The following PIP5K1B variants were observed in gnomAD, a reference collection of about 807,000 sequenced individuals.
PIP5K1B encodes phosphatidylinositol 4-phosphate 5-kinase type-1 beta.
A neutral mutation model predicts 67.0 loss-of-function variants in PIP5K1B; 42 were observed. The ratio of observed to expected loss-of-function variants is 0.63; its 90% confidence interval spans 0.49 to 0.81. The LOEUF (loss-of-function observed/expected upper bound fraction) is 0.81. Ranked by LOEUF, PIP5K1B falls within the 30% of genes least tolerant of loss-of-function variation. PIP5K1B has a pLI of 0.00. For missense variants in PIP5K1B, 459 were observed against 646.3 expected (o/e 0.71, Z 3.14); for synonymous variants, 214 against 231.4 (o/e 0.92, Z 0.68).
intron 15 of PIP5K1B, among the ~76,000 whole-genome samples, chr9:69,005,458 GCT>G (rs1831032397): frequency 6.6e-6 from 1 of 152,154 alleles, no homozygotes; most frequent in East Asian, 1.9e-4. Context: ...TGCGATCTCA[GCT>G]CACCACAACC....
chr9:69,000,736 CA>C (rs1048142974), intron 15 of PIP5K1B, among the ~76,000 whole-genome samples: 19 of 152,150 alleles, frequency 1.2e-4, no homozygotes, highest in African/African-American at 4.6e-4. Flanking sequence ...ACCCTGCCTC[CA>C]AATAAGGTCA....
At chr9:68,880,983 C>T (rs1824174341) in intron 6 of PIP5K1B, among the ~76,000 whole-genome samples, 1 of 152,202 alleles carries the variant, frequency 6.6e-6, no homozygotes, top group Non-Finnish European at 1.5e-5. Context: ...CATGACACAG[C>T]ATGCTTGAGT....
intron 4 of PIP5K1B, chr9:68,824,285 T>C (rs1459355778): frequency 1.9e-6 from 1 of 517,900 alleles, no homozygotes; most frequent in East Asian, 5.5e-5. Flanking sequence ...AGGAGATCCT[T>C]TGTCGCTGCA....
At chr9:68,985,029 T>C (rs1830039674) in intron 14 of PIP5K1B, among the ~76,000 whole-genome samples, 1 of 152,162 alleles carries the variant, frequency 6.6e-6, no homozygotes, top group African/African-American at 2.4e-5. Context: ...GGGGAGGGAT[T>C]GCGTGTATGA....
At chr9:68,828,859 C>G (rs1004785634) in intron 4 of PIP5K1B, among the ~76,000 whole-genome samples, 1 of 151,720 alleles carries the variant, frequency 6.6e-6, no homozygotes, top group African/African-American at 2.4e-5. Flanking sequence ...CCCAGCACTT[C>G]GGGAGGCCGA....
At chr9:68,932,086 A>AG (rs1468427010) in intron 12 of PIP5K1B, among the ~76,000 whole-genome samples, 6 of 152,196 alleles carry the variant, frequency 3.9e-5, no homozygotes, top group Admixed American at 2.6e-4. Context: ...TAAAGAACAA[A>AG]GAGTTACTTC....
intron 14 of PIP5K1B, 139 bp downstream of exon 14, chr9:68,940,929 A>T (rs1827529151): frequency 1.2e-6 from 1 of 817,066 alleles, no homozygotes; most frequent in Admixed American, 1.9e-5. Context: ...GAGAGAGAAC[A>T]TGCTTGATTT....
rs965873075 is a variant in PIP5K1B, at chr9:68,849,460, A to G, written c.70-14377A>G. ...CAGCGGTACGATCTCAGCTCACTGCAACCTCCGCCTCCCAGGCTTAAGTAA... is the reference window on the plus strand; with the variant it reads ...CAGCGGTACGATCTCAGCTCACTGCGACCTCCGCCTCCCAGGCTTAAGTAA... On this transcript the variant is annotated intron_variant, in intron 4 of 15. Transcript: ENST00000265382. 2.0e-5 allele frequency among the ~76,000 whole-genome samples: 3 copies of G among 152,174 alleles called. No individual in the cohort carries two copies. In the South Asian group the frequency reaches 6.2e-4, roughly 32 times the overall value.
intron 4 of PIP5K1B, among the ~76,000 whole-genome samples, chr9:68,850,060 G>T (rs1359180657): frequency 6.6e-6 from 1 of 152,200 alleles, no homozygotes; most frequent in Non-Finnish European, 1.5e-5. Flanking sequence ...CGCATGAAGT[G>T]CAGAGGTCAT....
At chr9:68,848,527 G>A (rs919873868) in intron 4 of PIP5K1B, among the ~76,000 whole-genome samples, 3 of 152,254 alleles carry the variant, frequency 2.0e-5, no homozygotes, top group Non-Finnish European at 4.4e-5. Context: ...TATTGCAAAA[G>A]TATATATTTA....
intron 1 of PIP5K1B, among the ~76,000 whole-genome samples, chr9:68,718,313 G>C (rs1427498958): frequency 6.6e-6 from 1 of 152,140 alleles, no homozygotes; most frequent in Non-Finnish European, 1.5e-5. Flanking sequence ...TTTAACCTGG[G>C]AAATGTCTGT....
intron 1 of PIP5K1B, among the ~76,000 whole-genome samples, chr9:68,739,315 C>T (rs753703014): frequency 3.9e-5 from 6 of 152,200 alleles, no homozygotes; most frequent in South Asian, 2.1e-4. Flanking sequence ...TCTTATGGGA[C>T]GCAACATTTG....
At chr9:68,923,153 A>G (rs2027208) in intron 11 of PIP5K1B, 149 bp from the exon 12 acceptor site, 594,759 of 606,110 alleles carry the variant, frequency 0.98, 292,509 homozygotes, top group Non-Finnish European at 1. Context: ...CCTGGGCCCC[A>G]CGGGCTACAG....
chr9:68,850,210 T>C (rs1017052350), intron 4 of PIP5K1B, among the ~76,000 whole-genome samples: 1 of 152,212 alleles, frequency 6.6e-6, no homozygotes, highest in African/African-American at 2.4e-5. Flanking sequence ...CACCCCTTCC[T>C]GGTGAGGACG....
At chr9:68,716,664 AC>A (rs1827649393) in intron 1 of PIP5K1B, among the ~76,000 whole-genome samples, 1 of 152,196 alleles carries the variant, frequency 6.6e-6, no homozygotes, top group African/African-American at 2.4e-5. Context: ...ACTGTGGAAA[AC>A]AGTGAGAAAT....
intron 1 of PIP5K1B, among the ~76,000 whole-genome samples, chr9:68,739,207 A>G (rs1313284794): frequency 6.6e-6 from 1 of 152,190 alleles, no homozygotes; most frequent in Non-Finnish European, 1.5e-5. Flanking sequence ...TCATTTGTAA[A>G]GGAGTTTAAA....
At chr9:68,855,081 T>C (rs1822698435) in intron 4 of PIP5K1B, among the ~76,000 whole-genome samples, 1 of 152,216 alleles carries the variant, frequency 6.6e-6, no homozygotes, top group South Asian at 2.1e-4. Context: ...ATGAGAAAAA[T>C]ATAGAGAATT....
At chr9:68,706,006 G>A in intron 1 of PIP5K1B, 1 of 152,220 alleles carries the variant, frequency 6.6e-6, no homozygotes, top group African/African-American at 2.4e-5. Context: ...GATCCCCGGG[G>A]CCGCAGTGAC....
chr9:68,943,577 A>T (rs1312164617), intron 14 of PIP5K1B, among the ~76,000 whole-genome samples: 1 of 152,168 alleles, frequency 6.6e-6, no homozygotes, highest in Non-Finnish European at 1.5e-5. Flanking sequence ...TGTGGCAATA[A>T]ATAGACACTA....
Sources: gnomAD v4.1 joint callset for allele counts (sites outside exome capture counted in the v4.1 genomes callset) on GRCh38, gnomAD v4.1.1 for gene constraint, MANE v1.5 for transcripts, NCBI Gene and HGNC (gene_info 2026-07-23, HGNC 2026-07-21) for gene names.